The following RSPH14 variants were observed in gnomAD, a reference collection of about 807,000 sequenced individuals.
The protein encoded by RSPH14 is rhabdoid tumor deletion region gene 1.
A neutral mutation model predicts 26.7 loss-of-function variants in RSPH14; 20 were observed. The observed-to-expected ratio is 0.75, with a 90% CI of 0.53 to 1.09. The LOEUF (loss-of-function observed/expected upper bound fraction) is 1.09. RSPH14 is among the 50% of genes least tolerant of loss of function. The probability of loss-of-function intolerance (pLI) is 0.00; values close to 1 mark genes in which losing one functional copy is unlikely to be tolerated. For missense variants in RSPH14, 449 were observed against 457.2 expected, an observed-to-expected ratio of 0.98 and a Z score of 0.16; for synonymous variants, 177 against 189.3, an observed-to-expected ratio of 0.93 and a Z score of 0.53.
the RSPH14 span, among the ~76,000 whole-genome samples, chr22:23,155,478 A>G: frequency 1.3e-5 from 2 of 152,198 alleles, no homozygotes; most frequent in Non-Finnish European, 2.9e-5. Flanking sequence ...AGTGTTAGGT[A>G]TCTCCAACTC....
chr22:23,104,863 T>C (rs2069414610), intron 4 of RSPH14, among the ~76,000 whole-genome samples: 1 of 152,206 alleles, frequency 6.6e-6, no homozygotes. Flanking sequence ...CTGGAGGGAT[T>C]GGAATGACAG....
chr22:23,131,673 G>C (rs1256870208), intron 4 of RSPH14: 1 of 1,301,548 alleles, frequency 7.7e-7, no homozygotes, highest in Non-Finnish European at 1.0e-6. Context: ...TTATTCCTCA[G>C]GTTCCTGCAT....
intron 4 of RSPH14, among the ~76,000 whole-genome samples, chr22:23,132,056 G>T (rs1362620161): frequency 1.3e-5 from 2 of 152,152 alleles, no homozygotes; most frequent in African/African-American, 2.4e-5. Context: ...GAATGCTCAC[G>T]CCTGGCCTTG....
At chr22:23,101,489 CT>C (rs952314044) in intron 4 of RSPH14, among the ~76,000 whole-genome samples, 6 of 152,304 alleles carry the variant, frequency 3.9e-5, no homozygotes, top group African/African-American at 1.4e-4. Flanking sequence ...TGACACTCCC[CT>C]CGTCCCCTTG....
the RSPH14 span, among the ~76,000 whole-genome samples, chr22:23,176,431 C>T: frequency 6.6e-6 from 1 of 152,196 alleles, no homozygotes; most frequent in African/African-American, 2.4e-5. Context: ...ACATCCTCAC[C>T]ACCTGTTTCT....
chr22:23,115,532 C>T (rs1427270103), intron 4 of RSPH14, among the ~76,000 whole-genome samples: 1 of 152,146 alleles, frequency 6.6e-6, no homozygotes. Context: ...TCGGGTTGCC[C>T]AGAGGGGAGC....
intron 4 of RSPH14, among the ~76,000 whole-genome samples, chr22:23,112,328 C>T (rs1222259069): frequency 6.6e-6 from 1 of 152,220 alleles, no homozygotes; most frequent in African/African-American, 2.4e-5. Flanking sequence ...ACACCAGGCT[C>T]TAGGGCCCAG....
intron 4 of RSPH14, among the ~76,000 whole-genome samples, chr22:23,127,324 G>C (rs1329343059): frequency 6.6e-6 from 1 of 152,254 alleles, no homozygotes; most frequent in Non-Finnish European, 1.5e-5. Flanking sequence ...AGAGGCCAGA[G>C]TGTCCCTATC....
chr22:23,070,093 G>A (rs1404385459), intron 4 of RSPH14, among the ~76,000 whole-genome samples: 1 of 152,144 alleles, frequency 6.6e-6, no homozygotes, highest in South Asian at 2.1e-4. Flanking sequence ...GCCGGCGCGG[G>A]GAGCTCTTGC....
At position 23,071,884 on chromosome 22, in the gene RSPH14, C is replaced by T. The variant is rs1292321509; in HGVS notation, c.422-7751G>A. ...TGGGCAGTTAGGTCTGATGGGAGCA[C>T]TTAGCATGCCTGGGGAGTAGGAGGA... On this transcript the variant is annotated intron_variant, in intron 4 of 6. Transcript: ENST00000216036. This position sits in a 1 kb window ranked among gnomAD's most constrained non-coding sequence, Gnocchi z 4.1. Among the ~76,000 whole-genome samples, 2 of 152,174 alleles carry T rather than the reference C, an allele frequency of 1.3e-5. No individual in the cohort carries two copies. The highest frequency in any genetic ancestry group is 2.9e-5 in the Non-Finnish European group (2 of 68,044).
At chr22:23,169,589 C>CA in the RSPH14 span, among the ~76,000 whole-genome samples, 1 of 152,180 alleles carries the variant, frequency 6.6e-6, no homozygotes, top group Non-Finnish European at 1.5e-5. Flanking sequence ...TCTGGGCCCC[C>CA]AGTTATTGCT....
chr22:23,138,524 C>T (rs2070521969), intron 3 of RSPH14, among the ~76,000 whole-genome samples: 2 of 151,810 alleles, frequency 1.3e-5, no homozygotes, highest in Admixed American at 6.6e-5. Flanking sequence ...ATCGTGTCAC[C>T]GTACTCCAGC....
At chr22:23,161,003 G>A in the RSPH14 span, 1 of 1,598,984 alleles carries the variant, frequency 6.3e-7, no homozygotes, top group Non-Finnish European at 8.6e-7. Context: ...TAATCCGTGA[G>A]TATAGGTGTG....
At chr22:23,095,951 C>T (rs1366225244) in intron 4 of RSPH14, 3 of 1,612,522 alleles carry the variant, frequency 1.9e-6, no homozygotes, top group South Asian at 1.1e-5. Flanking sequence ...CCGCATCATC[C>T]GGGCCCTGGC....
chr22:23,088,230 C>T (rs544071163), intron 4 of RSPH14, among the ~76,000 whole-genome samples: 8 of 152,326 alleles, frequency 5.3e-5, no homozygotes, highest in African/African-American at 1.7e-4. Flanking sequence ...ACCATCTACA[C>T]GCCCAAAATG....
intron 4 of RSPH14, among the ~76,000 whole-genome samples, chr22:23,094,603 GCAGC>G (rs1398287917): frequency 1.3e-5 from 2 of 152,210 alleles, no homozygotes; most frequent in African/African-American, 4.8e-5. Context: ...CAGGAGTGAG[GCAGC>G]CCCTGCCCAC....
Position 23,059,492 on chromosome 22 carries a change from G to A in RSPH14, c.1017C>T (p.Ile339=), listed in dbSNP as rs756390708. Residue 339 remains isoleucine, a synonymous_variant, in exon 7 of 7, where the codon ATC becomes ATT. Coordinates refer to ENST00000216036, the MANE Select transcript of RSPH14 (RefSeq NM_014433.3). ...VAEALQRAAR[I]AISVIEFKP Reference sequence around the variant, plus strand: ...GTTTGAACTCGATGACACTGATGGCGATCCGGGCTGCCCGCTGTAAGGCTT... The same window carrying A: ...GTTTGAACTCGATGACACTGATGGCAATCCGGGCTGCCCGCTGTAAGGCTT... 83 of 1,612,980 alleles carry A rather than the reference G, an allele frequency of 5.1e-5. No individual in the cohort carries two copies. Among genetic ancestry groups the A allele is most frequent in the Non-Finnish European group, 6.5e-5 (77 of 1,179,320 alleles).
chr22:23,174,562 CTTG>C, the RSPH14 span, among the ~76,000 whole-genome samples: 6 of 152,034 alleles, frequency 3.9e-5, no homozygotes, highest in African/African-American at 1.2e-4. Flanking sequence ...GCTGGAAATA[CTTG>C]TTATCTAATT....
chr22:23,093,282 G>T (rs949008825), intron 4 of RSPH14, among the ~76,000 whole-genome samples: 1 of 152,326 alleles, frequency 6.6e-6, no homozygotes, highest in Middle Eastern at 3.4e-3. Context: ...GTTCCCTGGT[G>T]CACTTCTCAT....
Sources: gnomAD v4.1 joint callset for allele counts (sites outside exome capture counted in the v4.1 genomes callset) on GRCh38, gnomAD v4.1.1 for gene constraint, Gnocchi (gnomAD v3.1) non-coding constraint, MANE v1.5 for transcripts, NCBI Gene and HGNC (gene_info 2026-07-23, HGNC 2026-07-21) for gene names.